MRPL44: variants seen among roughly 807,000 people sequenced by gnomAD.
The protein encoded by MRPL44 is mitochondrial ribosomal protein L44, also known as large ribosomal subunit protein mL44.
A neutral mutation model predicts 25.9 loss-of-function variants in MRPL44; 21 were observed. That is an observed-to-expected ratio of 0.81 (90% CI 0.58 to 1.17). MRPL44 has a LOEUF of 1.17. Ranked by LOEUF, MRPL44 falls within the 50% of genes most tolerant of loss-of-function variation. The pLI is 0.00. For missense variants in MRPL44, 410 were observed against 398.9 expected (o/e 1.03, Z -0.24); for synonymous variants, 169 against 151.0 (o/e 1.12, Z -0.87).
intron 1 of MRPL44, among the ~76,000 whole-genome samples, chr2:223,959,273 T>C (rs561732325): frequency 5.9e-5 from 9 of 152,336 alleles, no homozygotes; most frequent in African/African-American, 2.2e-4. Flanking sequence ...CTTGGTCTTT[T>C]ATATTGAAGA....
chr2:223,966,354 A>G (rs1181968045), intron 3 of MRPL44, among the ~76,000 whole-genome samples: 1 of 152,246 alleles, frequency 6.6e-6, no homozygotes, highest in African/African-American at 2.4e-5. Flanking sequence ...CTCAAAAGGC[A>G]TAATTTTTTC....
At chr2:223,951,478 G>GTTTTT in the MRPL44 span, among the ~76,000 whole-genome samples, 260 of 112,538 alleles carry the variant, frequency 2.3e-3, 13 homozygotes, top group African/African-American at 8.5e-3. Context: ...TTACCTTGGA[G>GTTTTT]TTTTTTTTTT....
intron 1 of MRPL44, among the ~76,000 whole-genome samples, chr2:223,958,519 T>C (rs1689606538): frequency 6.6e-6 from 1 of 152,214 alleles, no homozygotes; most frequent in Non-Finnish European, 1.5e-5. Flanking sequence ...AGATTAAGTA[T>C]TTTAGGCTCT....
chr2:223,956,807 G>A (rs1689570128), upstream of MRPL44, among the ~76,000 whole-genome samples: 1 of 152,096 alleles, frequency 6.6e-6, no homozygotes, highest in Non-Finnish European at 1.5e-5. Context: ...GAAAGCAATA[G>A]AATTACATTG....
At chr2:223,954,515 G>A (rs142189276), upstream of MRPL44, among the ~76,000 whole-genome samples, 600 of 152,314 alleles carry the variant, frequency 3.9e-3, 5 homozygotes, top group African/African-American at 0.014. Context: ...CTGGCCAGTA[G>A]GCAGTCATCT....
the MRPL44 span, among the ~76,000 whole-genome samples, chr2:223,951,340 T>C: frequency 1.3e-4 from 20 of 152,196 alleles, no homozygotes; most frequent in African/African-American, 1.7e-4. Flanking sequence ...CAGGTGGTGT[T>C]TGGCTACATG....
At chr2:223,951,058 CTA>C in the MRPL44 span, among the ~76,000 whole-genome samples, 5 of 152,142 alleles carry the variant, frequency 3.3e-5, no homozygotes, top group African/African-American at 1.2e-4. Flanking sequence ...CCCCCTGACT[CTA>C]TGAGGTAGGA....
chr2:223,954,847 G>C (rs892118255), upstream of MRPL44, among the ~76,000 whole-genome samples: 18 of 152,214 alleles, frequency 1.2e-4, no homozygotes, highest in Admixed American at 1.1e-3. Flanking sequence ...GGTGGGGCTT[G>C]TTGAGAGCCA....
upstream of MRPL44, among the ~76,000 whole-genome samples, chr2:223,954,074 G>A (rs1049676203): frequency 6.6e-5 from 10 of 152,156 alleles, no homozygotes; most frequent in African/African-American, 2.4e-4. Flanking sequence ...TTTCTCAAAA[G>A]TATCCTTAAT....
chr2:223,960,634 TCA>T (rs1176558043), intron 2 of MRPL44, among the ~76,000 whole-genome samples: 1 of 152,244 alleles, frequency 6.6e-6, no homozygotes, highest in Admixed American at 6.5e-5. Flanking sequence ...TGACTGACAT[TCA>T]GTCTTTAAAC....
At chr2:223,965,142 G>A (rs771797573) in intron 3 of MRPL44, among the ~76,000 whole-genome samples, 2 of 151,976 alleles carry the variant, frequency 1.3e-5, no homozygotes, top group Admixed American at 1.3e-4. Context: ...TTTTTAAAAC[G>A]TGATCAGTGA....
chr2:223,952,667 A>G (rs532914161), upstream of MRPL44, among the ~76,000 whole-genome samples: 1 of 152,350 alleles, frequency 6.6e-6, no homozygotes, highest in South Asian at 2.1e-4. Flanking sequence ...CTAACTTGAT[A>G]TGTAACCTAA....
Position 223,957,483 on chromosome 2 carries a change from G to T in MRPL44, c.11G>T (p.Gly4Val). 1 of 1,614,188 alleles carries T rather than the reference G, an allele frequency of 6.2e-7. No individual in the cohort carries two copies. Among genetic ancestry groups the T allele is most frequent in the Non-Finnish European group, 8.5e-7 (1 of 1,180,034 alleles). MAS[G>V]LVRLLQQGHR... is the part of the protein sequence containing the mutation. ...GTTTTCTCTCGTGCAATGGCGTCCGGGCTGGTAAGATTGCTGCAGCAGGGA... is the reference window on the plus strand; with the variant it reads ...GTTTTCTCTCGTGCAATGGCGTCCGTGCTGGTAAGATTGCTGCAGCAGGGA... Residue 4 changes from glycine (G) to valine (V), a missense_variant, in exon 1 of 4, where the codon GGG (glycine) becomes GTG (valine). Transcript: ENST00000258383.
At position 223,967,064 on chromosome 2, in the gene MRPL44, A is replaced by G; in HGVS notation, c.*30A>G. 2 of 1,560,610 alleles carry G rather than the reference A, an allele frequency of 1.3e-6. No individual in the cohort carries two copies. Among genetic ancestry groups the G allele is most frequent in the South Asian group, 1.2e-5 (1 of 83,294 alleles). On this transcript the variant is annotated 3_prime_UTR_variant, in exon 4 of 4. Transcript: ENST00000258383. ...CATGGATGCAGCAGCCTGAAACTTGAGAGCGAAAGTGAGATAAATGTCAAA... is the reference window on the plus strand; with the variant it reads ...CATGGATGCAGCAGCCTGAAACTTGGGAGCGAAAGTGAGATAAATGTCAAA...
At chr2:223,955,710 G>A (rs1689555091), upstream of MRPL44, among the ~76,000 whole-genome samples, 1 of 152,132 alleles carries the variant, frequency 6.6e-6, no homozygotes, top group Non-Finnish European at 1.5e-5. Flanking sequence ...GTTGACATCT[G>A]TGAGCTTTGA....
chr2:223,957,351 C>G, upstream of MRPL44: 1 of 1,311,906 alleles, frequency 7.6e-7, no homozygotes. Context: ...CGCCCCGCCC[C>G]GGGGGCTGTC....
chr2:223,962,626 C>T (rs1294492804), intron 2 of MRPL44, among the ~76,000 whole-genome samples: 2 of 152,108 alleles, frequency 1.3e-5, no homozygotes, highest in East Asian at 1.9e-4. Flanking sequence ...CAGTTATCTT[C>T]GTCATATAAA....
chr2:223,964,755 T>G (rs1463994260), intron 3 of MRPL44, among the ~76,000 whole-genome samples: 1 of 152,222 alleles, frequency 6.6e-6, no homozygotes, highest in African/African-American at 2.4e-5. Flanking sequence ...TTTTTTATGT[T>G]CTTTGATTTT....
upstream of MRPL44, among the ~76,000 whole-genome samples, chr2:223,954,047 G>A (rs2106113543): frequency 6.6e-6 from 1 of 152,310 alleles, no homozygotes; most frequent in Non-Finnish European, 1.5e-5. Context: ...CATCTTCTCT[G>A]ATATTTCCTG....
Sources: gnomAD v4.1 joint callset for allele counts (sites outside exome capture counted in the v4.1 genomes callset) on GRCh38, gnomAD v4.1.1 for gene constraint, MANE v1.5 for transcripts, NCBI Gene and HGNC (gene_info 2026-07-23, HGNC 2026-07-21) for gene names.